Variants in PRUNE2 observed in about 807,000 individuals in gnomAD.
PRUNE2 encodes protein prune homolog 2.
PRUNE2 carries 164 observed loss-of-function variants against 252.0 expected under a neutral mutation model. The observed-to-expected ratio is 0.65, with a 90% CI of 0.57 to 0.74. PRUNE2 has a LOEUF of 0.74. Ranked by LOEUF, PRUNE2 falls within the 30% of genes least tolerant of loss-of-function variation. The pLI is 0.00. For synonymous variants in PRUNE2, 1,292 were observed against 1,350.2 expected (o/e 0.96, Z 0.94); for missense variants, 3,495 against 3,711.0 (o/e 0.94, Z 1.51).
At chr9:76,805,769 A>C (rs932633331) in intron 6 of PRUNE2, among the ~76,000 whole-genome samples, 4 of 152,192 alleles carry the variant, frequency 2.6e-5, no homozygotes, top group African/African-American at 7.2e-5. Context: ...CAATGGTAAC[A>C]ATTAATTGAT....
intron 1 of PRUNE2, among the ~76,000 whole-genome samples, chr9:76,882,187 T>G (rs1236630849): frequency 6.6e-6 from 1 of 152,206 alleles, no homozygotes; most frequent in Non-Finnish European, 1.5e-5. Context: ...ATACATAGTA[T>G]ATTTACAGAT....
At chr9:76,791,754 C>A (rs1044945057) in intron 6 of PRUNE2, among the ~76,000 whole-genome samples, 2 of 152,092 alleles carry the variant, frequency 1.3e-5, no homozygotes, top group African/African-American at 2.4e-5. Context: ...AGAAAGGACT[C>A]AAGGAGTACA....
In PRUNE2 at chr9:76,705,304, A is replaced by G; in HGVS notation, c.6970T>C (p.Leu2324=). 1.2e-6 allele frequency: 2 copies of G among 1,614,026 alleles called. No homozygotes were observed. Among genetic ancestry groups the G allele is most frequent in the Non-Finnish European group, 1.7e-6 (2 of 1,179,890 alleles). ...GGCGTTTCCGGATGGCCTTCGGATAATGTCAGTTTACTCATGTCATCTATT... is the reference window on the plus strand; with the variant it reads ...GGCGTTTCCGGATGGCCTTCGGATAGTGTCAGTTTACTCATGTCATCTATT... ...GTIDDMSKLT[L]SEGHPETPVD... is the part of the protein sequence containing the mutation. Residue 2324 remains leucine, a synonymous_variant, in exon 8 of 19, where the codon TTA becomes CTA. Coordinates refer to ENST00000376718, the MANE Select transcript of PRUNE2 (RefSeq NM_015225.3).
intron 9 of PRUNE2, among the ~76,000 whole-genome samples, chr9:76,672,759 C>A (rs2041768785): frequency 1.4e-5 from 2 of 138,540 alleles, no homozygotes; most frequent in South Asian, 5.2e-4. Context: ...TCACTCAAAA[C>A]CGCTCAACTA....
intron 17 of PRUNE2, among the ~76,000 whole-genome samples, chr9:76,623,795 A>G (rs1419977396): frequency 1.3e-5 from 2 of 152,202 alleles, no homozygotes; most frequent in East Asian, 1.9e-4. Context: ...AGCTGCTCAA[A>G]TGTTCTTTGA....
chr9:76,821,307 C>A lies in PRUNE2; in HGVS notation c.756+2325G>T, dbSNP rs147330869. 6.6e-4 allele frequency among the ~76,000 whole-genome samples: 100 copies of A among 152,176 alleles called. 1 individual carries two copies. The East Asian group carries it at 0.019, about 29-fold the overall frequency. Reference sequence around the variant, plus strand: ...AGCAATTATATAACTGTTCCAAAATCCACAAAATAAGATTGTGAGGATTCT... The same window carrying A: ...AGCAATTATATAACTGTTCCAAAATACACAAAATAAGATTGTGAGGATTCT... On this transcript the variant is annotated intron_variant, in intron 6 of 18. Coordinates refer to ENST00000376718, the MANE Select transcript of PRUNE2 (RefSeq NM_015225.3).
chr9:76,780,915 G>T (rs552768815), intron 6 of PRUNE2, among the ~76,000 whole-genome samples: 2 of 152,046 alleles, frequency 1.3e-5, no homozygotes, highest in African/African-American at 2.4e-5. Flanking sequence ...CCTCATCCCC[G>T]TGTGTTTCCC....
At chr9:76,808,045 G>C (rs750433408) in intron 6 of PRUNE2, among the ~76,000 whole-genome samples, 8 of 152,130 alleles carry the variant, frequency 5.3e-5, no homozygotes, top group Non-Finnish European at 1.0e-4. Context: ...TGGTGTGGCG[G>C]CAGGTGCCTG....
intron 3 of PRUNE2, among the ~76,000 whole-genome samples, chr9:76,848,833 C>G (rs1467030567): frequency 1.3e-5 from 2 of 152,154 alleles, no homozygotes; most frequent in Admixed American, 6.5e-5. Context: ...TCAGAAGATA[C>G]AAGTTCTAAT....
At chr9:76,748,473 C>G (rs2050330515) in intron 6 of PRUNE2, among the ~76,000 whole-genome samples, 1 of 152,112 alleles carries the variant, frequency 6.6e-6, no homozygotes, top group Non-Finnish European at 1.5e-5. Flanking sequence ...GGATTAGTAA[C>G]TGCTATGGCT....
intron 9 of PRUNE2, among the ~76,000 whole-genome samples, chr9:76,695,193 G>A (rs1012440640): frequency 2.0e-5 from 3 of 152,194 alleles, no homozygotes; most frequent in East Asian, 1.9e-4. Context: ...GTGCCACCAC[G>A]CCTGGCTAAT....
rs1252436835 is a variant in PRUNE2 at position 76,705,060 on chromosome 9, G to A, written c.7214C>T (p.Ala2405Val). ...TTCCTCTATTGTTTCAGCACTCTGG[G>A]CAGGTTCTGTGAGATAAGACAAATC... The part of the protein sequence containing the change: ...PFDLSYLTEP[A>V]QSAETIEEAG... Residue 2405 changes from alanine to valine, a missense_variant, in exon 8 of 19, where the codon GCC (alanine) becomes GTC (valine). Physicochemically the swap from Ala to Val is moderately conservative, Grantham distance 64. Coordinates refer to ENST00000376718, the MANE Select transcript of PRUNE2 (RefSeq NM_015225.3). 4 of 1,613,974 alleles carry A rather than the reference G, an allele frequency of 2.5e-6. No homozygotes were observed. The South Asian group carries it at 4.4e-5, about 18-fold the overall frequency.
chr9:76,719,827 T>G (rs2047475113), intron 6 of PRUNE2, among the ~76,000 whole-genome samples: 1 of 151,976 alleles, frequency 6.6e-6, no homozygotes, highest in African/African-American at 2.4e-5. Flanking sequence ...TTTTATTTTT[T>G]GTAGAGACAG....
intron 15 of PRUNE2, among the ~76,000 whole-genome samples, chr9:76,630,556 G>A (rs573304056): frequency 1.3e-5 from 2 of 152,218 alleles, no homozygotes; most frequent in East Asian, 1.9e-4. Flanking sequence ...ACAGAGTCTC[G>A]CTCTGTCGCC....
intron 1 of PRUNE2, among the ~76,000 whole-genome samples, chr9:76,866,335 T>A (rs896929781): frequency 4.6e-5 from 7 of 152,266 alleles, no homozygotes; most frequent in African/African-American, 1.7e-4. Context: ...ATATTAATAA[T>A]CAGAGGTACA....
chr9:76,655,977 C>T (rs952892642), intron 9 of PRUNE2, among the ~76,000 whole-genome samples: 1 of 152,152 alleles, frequency 6.6e-6, no homozygotes, highest in Non-Finnish European at 1.5e-5. Flanking sequence ...CCTACTTCAC[C>T]ACGTTGTTTA....
chr9:76,685,479 G>A (rs1213603951), intron 9 of PRUNE2, among the ~76,000 whole-genome samples: 1 of 152,132 alleles, frequency 6.6e-6, no homozygotes, highest in African/African-American at 2.4e-5. Context: ...AGTACCTCAA[G>A]GTGTGTGTTT....
chr9:76,864,868 G>A (rs2060749812), intron 1 of PRUNE2, among the ~76,000 whole-genome samples: 1 of 152,200 alleles, frequency 6.6e-6, no homozygotes, highest in Admixed American at 6.5e-5. Flanking sequence ...TATTATGACT[G>A]ATTGTCATGA....
At position 76,655,422 on chromosome 9, in the gene PRUNE2, C is replaced by T. The variant is rs760913827; in HGVS notation, c.8356+1G>A. 1 of 1,607,738 alleles carries T rather than the reference C, an allele frequency of 6.2e-7. No individual in the cohort carries two copies. Among genetic ancestry groups the T allele is most frequent in the South Asian group, 1.1e-5 (1 of 90,274 alleles). ...AGGAAATGAACAAATGCTGCTCTCA[C>T]CAGGCCTCATGTCTGCAGCACTGGG... is the stretch of plus-strand genomic sequence containing the variant. On this transcript the variant is annotated splice_donor_variant, in intron 10 of 18. Coordinates refer to ENST00000376718, the MANE Select transcript of PRUNE2 (RefSeq NM_015225.3). LOFTEE classifies it high-confidence loss of function.
Sources: allele counts gnomAD v4.1 joint callset (sites outside exome capture counted in the v4.1 genomes callset), GRCh38; gene constraint gnomAD v4.1.1; transcripts MANE v1.5; gene names NCBI Gene and HGNC (gene_info 2026-07-23, HGNC 2026-07-21).